The following PLEKHG3 variants were observed in gnomAD, a reference collection of about 807,000 sequenced individuals.
PLEKHG3 encodes the protein pleckstrin homology domain-containing family G member 3.
In PLEKHG3, 62 loss-of-function variants were observed where a neutral mutation model predicts 94.9. The ratio of observed to expected loss-of-function variants is 0.65; its 90% CI spans 0.53 to 0.81. PLEKHG3 has a LOEUF of 0.81. Ranked by LOEUF, PLEKHG3 falls within the 30% of genes least tolerant of loss-of-function variation. The pLI, the probability that PLEKHG3 is intolerant of heterozygous loss-of-function variation, is 0.00. For missense variants in PLEKHG3, 1,461 were observed against 1,619.3 expected (o/e 0.90, Z 1.68); for synonymous variants, 614 against 654.0 (o/e 0.94, Z 0.93).
rs2081189161 is a variant in PLEKHG3 at position 64,717,472 on chromosome 14, T to C, written c.-39-10121T>C. On this transcript the variant is annotated intron_variant, in intron 1 of 16. Transcript: ENST00000247226. The surrounding 1 kb of genome is among the most constrained non-coding windows in gnomAD (Gnocchi z 4.7). ...CTGGGGGAAGGAAAAAACCCTTGGG[T>C]AGTAAGATGCACACAAACTCCTCCC... Among the ~76,000 whole-genome samples, 1 of 152,038 alleles carries C rather than the reference T, an allele frequency of 6.6e-6. No individual in the cohort carries two copies. The highest frequency in any genetic ancestry group is 1.5e-5 in the Non-Finnish European group (1 of 67,998).
intron 1 of PLEKHG3, among the ~76,000 whole-genome samples, chr14:64,724,543 G>A (rs989735721): frequency 4.6e-5 from 7 of 152,108 alleles, no homozygotes; most frequent in Non-Finnish European, 8.8e-5. Flanking sequence ...TCCTTTGACC[G>A]GGAATCTGTA....
Position 64,746,891 on chromosome 14 carries a change from A to AG in PLEKHG3, c.*3189dup, listed in dbSNP as rs1245227212. On this transcript the variant is annotated 3_prime_UTR_variant, in exon 17 of 17. Coordinates refer to ENST00000247226, the MANE Select transcript of PLEKHG3 (RefSeq NM_001308147.2). This position sits in a 1 kb window ranked among gnomAD's most constrained non-coding sequence, Gnocchi z 4.9. ...AAAGACTGTAGAGTAGAATAAGGAG[A>AG]GAAAAAAAAAAAAAGACCTTGCTAG... 6 of 151,578 alleles carry AG rather than the reference A, an allele frequency of 4.0e-5. No homozygotes were observed. The highest frequency in any genetic ancestry group is 1.9e-4 in the East Asian group (1 of 5,138). 9.4% of individuals were successfully genotyped at this position (151,578 alleles called of 1,614,324 possible).
chr14:64,729,094 G>T lies in PLEKHG3; in HGVS notation c.449+1G>T. 1.4e-6 allele frequency: 2 copies of T among 1,409,340 alleles called. No homozygotes were observed. The highest frequency in any genetic ancestry group is 1.2e-5 in the South Asian group (1 of 81,062). 87.3% of individuals were successfully genotyped at this position (1,409,340 alleles called of 1,614,324 possible). On this transcript the variant is annotated splice_donor_variant, in intron 3 of 16. Transcript: ENST00000247226. LOFTEE classifies it high-confidence loss of function. ...TAGAAAATATCTACGCGCTGAACAG[G>T]TGTGTGAATGGGCCTGACACTCACC...
chr14:64,742,128 C>G lies in PLEKHG3; in HGVS notation c.2611C>G (p.Pro871Ala). 6.2e-7 allele frequency: 1 copy of G among 1,611,176 alleles called. No individual in the cohort carries two copies. The highest frequency in any genetic ancestry group is 8.5e-7 in the Non-Finnish European group (1 of 1,179,926). ...CACTGCCTCCCCGGAAAGCTCCTCT[C>G]CCACTGAGGGGCGCAGCCCGGCCCA... ...SATASPESSS[P>A]TEGRSPAHLA... Residue 871 changes from proline (P) to alanine (A), a missense_variant, in exon 16 of 17, where the codon CCC (proline) becomes GCC (alanine). Coordinates refer to ENST00000247226, the MANE Select transcript of PLEKHG3 (RefSeq NM_001308147.2).
chr14:64,738,360 C>T lies in PLEKHG3; in HGVS notation c.1405-382C>T. 4.6e-6 allele frequency: 2 copies of T among 436,324 alleles called. No homozygotes were observed. Among genetic ancestry groups the T allele is most frequent in the Non-Finnish European group, 8.2e-6 (2 of 243,528 alleles). 27.0% of individuals were successfully genotyped at this position (436,324 alleles called of 1,614,324 possible). A position where few individuals can be genotyped will look rare whatever the true frequency, so the allele number is the denominator to read the frequency against. On this transcript the variant is annotated intron_variant, in intron 14 of 16. Coordinates refer to ENST00000247226, the MANE Select transcript of PLEKHG3 (RefSeq NM_001308147.2). This position sits in a 1 kb window ranked among gnomAD's most constrained non-coding sequence, Gnocchi z 4.8. ...TCCTCCCCTCAGCACTTAACACCATCGCTCGCTGTCACACCCTGGTGAGCC... is the reference window on the plus strand; with the variant it reads ...TCCTCCCCTCAGCACTTAACACCATTGCTCGCTGTCACACCCTGGTGAGCC...
intron 1 of PLEKHG3, among the ~76,000 whole-genome samples, chr14:64,707,306 C>T (rs920663929): frequency 2.1e-4 from 32 of 152,316 alleles, no homozygotes; most frequent in African/African-American, 7.5e-4. Flanking sequence ...TGGCCAGATT[C>T]CCACACCGTC....
chr14:64,721,910 G>A lies in PLEKHG3; in HGVS notation c.-39-5683G>A, dbSNP rs1188677899. The stretch of plus-strand genomic sequence containing the variant: ...CCGAGCTGTGGGTAAGAGCACAGCC[G>A]AGGGATTTCACCATCTTAGTTGAGA... On this transcript the variant is annotated intron_variant, in intron 1 of 16. Transcript: ENST00000247226. This position sits in a 1 kb window ranked among gnomAD's most constrained non-coding sequence, Gnocchi z 4.3. Among the ~76,000 whole-genome samples the A allele has an allele frequency of 1.3e-5, 2 of 152,230 alleles. No homozygotes were observed. Among genetic ancestry groups the A allele is most frequent in the African/African-American group, 4.8e-5 (2 of 41,472 alleles).
At chr14:64,714,283 G>T (rs997734479) in intron 1 of PLEKHG3, among the ~76,000 whole-genome samples, 1 of 152,164 alleles carries the variant, frequency 6.6e-6, no homozygotes, top group Non-Finnish European at 1.5e-5. Context: ...TGAGTGGATG[G>T]CTATGGTGGG....
chr14:64,726,206 TGGTTTCCA>T lies in PLEKHG3; in HGVS notation c.-39-1382_-39-1375del, dbSNP rs1370262857. Among the ~76,000 whole-genome samples, 3 of 152,050 alleles carry T rather than the reference TGGTTTCCA, an allele frequency of 2.0e-5. No individual in the cohort carries two copies. On this transcript the variant is annotated intron_variant, in intron 1 of 16. Coordinates refer to ENST00000247226, the MANE Select transcript of PLEKHG3 (RefSeq NM_001308147.2). This position sits in a 1 kb window ranked among gnomAD's most constrained non-coding sequence, Gnocchi z 5.1. ...GCAAAAGCCGGAGACCCAGGGGTGT[TGGTTTCCA>T]GGTTGAGGCATAGGCACAGAAAACC...
In PLEKHG3 at chr14:64,731,940, G is replaced by T. The variant is rs998626961; in HGVS notation, c.1125+134G>T. 3.3e-5 allele frequency: 28 copies of T among 846,224 alleles called. No homozygotes were observed. Among genetic ancestry groups the T allele is most frequent in the Non-Finnish European group, 4.5e-5 (23 of 507,316 alleles). 52.4% of individuals were successfully genotyped at this position (846,224 alleles called of 1,614,324 possible). A position where few individuals can be genotyped will look rare whatever the true frequency, so the allele number is the denominator to read the frequency against. On this transcript the variant is annotated intron_variant, in intron 9 of 16. Transcript: ENST00000247226. This position sits in a 1 kb window ranked among gnomAD's most constrained non-coding sequence, Gnocchi z 6.1. The stretch of plus-strand genomic sequence containing the variant: ...CATCTGTGAGGCAAGGATCATTGCA[G>T]GCACCTCTCAGGGTCAAAGTGAGGA...
intron 12 of PLEKHG3, among the ~76,000 whole-genome samples, chr14:64,734,828 C>T (rs1157144137): frequency 6.6e-6 from 1 of 151,444 alleles, no homozygotes. Flanking sequence ...TCAAGTGATT[C>T]TCCTGCCTCA....
chr14:64,734,611 C>A lies in PLEKHG3; in HGVS notation c.1345+1710C>A, dbSNP rs1377171224. On this transcript the variant is annotated intron_variant, in intron 12 of 16. Transcript: ENST00000247226. ...CCATTTTAAAGAGCTGAAGTTTCCA[C>A]ATGGCTGAGATTTTTAGCCTGTAAA... Among the ~76,000 whole-genome samples the A allele has an allele frequency of 3.9e-5, 6 of 152,336 alleles. No homozygotes were observed. In the East Asian group the frequency reaches 1.2e-3, roughly 29 times the overall value.
In PLEKHG3 at chr14:64,746,285, G is replaced by C. The variant is rs2081834918; in HGVS notation, c.*2582G>C. On this transcript the variant is annotated 3_prime_UTR_variant, in exon 17 of 17. Transcript: ENST00000247226. This position sits in a 1 kb window ranked among gnomAD's most constrained non-coding sequence, Gnocchi z 4.9. ...TAAATAAGAAACTGAGAGAAACATGGAGCATTATTGATTTATTAGAAAAAC... is the reference window on the plus strand; with the variant it reads ...TAAATAAGAAACTGAGAGAAACATGCAGCATTATTGATTTATTAGAAAAAC... 1 of 152,472 alleles carries C rather than the reference G, an allele frequency of 6.6e-6. No homozygotes were observed. The highest frequency in any genetic ancestry group is 2.1e-4 in the South Asian group (1 of 4,828). The allele number at this position is 152,472 out of a possible 1,614,324, so 9.4% of individuals were successfully genotyped here.
intron 3 of PLEKHG3, among the ~76,000 whole-genome samples, chr14:64,729,706 G>T (rs1242656152): frequency 6.6e-6 from 1 of 152,186 alleles, no homozygotes; most frequent in Non-Finnish European, 1.5e-5. Flanking sequence ...GGCAGAGGGA[G>T]CTCTGGCTGT....
chr14:64,731,281 G>C lies in PLEKHG3; in HGVS notation c.850-80G>C, dbSNP rs942819952. ...GGATGAGCTGGGCAGTGGCATTGGGGGAGCCTTTGTGGCAGGGTTTGCAGA... is the reference window on the plus strand; with the variant it reads ...GGATGAGCTGGGCAGTGGCATTGGGCGAGCCTTTGTGGCAGGGTTTGCAGA... On this transcript the variant is annotated intron_variant, in intron 7 of 16. Transcript: ENST00000247226. The surrounding 1 kb of genome is among the most constrained non-coding windows in gnomAD (Gnocchi z 6.1). The C allele has an allele frequency of 6.8e-7, 1 of 1,473,624 alleles. No homozygotes were observed. Among genetic ancestry groups the C allele is most frequent in the African/African-American group, 1.4e-5 (1 of 71,992 alleles). The allele number at this position is 1,473,624 out of a possible 1,614,324, so 91.3% of individuals were successfully genotyped here. A position where few individuals can be genotyped will look rare whatever the true frequency, so the allele number is the denominator to read the frequency against.
At position 64,743,453 on chromosome 14, in the gene PLEKHG3, C is replaced by A; in HGVS notation, c.3410C>A (p.Thr1137Asn). Residue 1137 changes from threonine to asparagine, a missense_variant, in exon 17 of 17, where the codon ACC becomes AAC. Physicochemically the swap from Thr to Asn is moderately conservative, Grantham distance 65 (BLOSUM62 0). Transcript: ENST00000247226. This position sits in a 1 kb window ranked among gnomAD's most constrained non-coding sequence, Gnocchi z 7.2. Reference sequence around the variant, plus strand: ...ACCCTGTATGTCACTGCAGACCTCACCCTGGAGGACAACCGGCGGGTGATT... The same window carrying A: ...ACCCTGTATGTCACTGCAGACCTCAACCTGGAGGACAACCGGCGGGTGATT... ...GETLYVTADLTLEDNRRVIVM... is the reference protein window; with the variant it reads ...GETLYVTADLNLEDNRRVIVM... 6.2e-7 allele frequency: 1 copy of A among 1,613,158 alleles called. No homozygotes were observed. The highest frequency in any genetic ancestry group is 1.1e-5 in the South Asian group (1 of 91,090).
chr14:64,716,496 A>ACACACACAC lies in PLEKHG3; in HGVS notation c.-39-11097_-39-11096insCACACACAC, dbSNP rs1555359440. 1.3e-4 allele frequency among the ~76,000 whole-genome samples: 10 copies of ACACACACAC among 79,542 alleles called. No homozygotes were observed. The South Asian group carries it at 2.0e-3, about 16-fold the overall frequency. The allele number at this position is 79,542 out of a possible 152,430, so 52.2% of individuals were successfully genotyped here. A position where few individuals can be genotyped will look rare whatever the true frequency, so the allele number is the denominator to read the frequency against. On this transcript the variant is annotated intron_variant, in intron 1 of 16. Transcript: ENST00000247226. The surrounding 1 kb of genome is among the most constrained non-coding windows in gnomAD (Gnocchi z 5.0). Reference sequence around the variant, plus strand: ...ACACACACACAACACACACACACACAACACACACACACACACACACACACA... The same window carrying ACACACACAC: ...ACACACACACAACACACACACACACACACACACACACACACACACACACACACACACACA...
chr14:64,749,514 G>GC lies in PLEKHG3; in HGVS notation c.*5817dup, dbSNP rs1345852291. The GC allele has an allele frequency of 6.3e-7, 1 of 1,597,392 alleles. No individual in the cohort carries two copies. Among genetic ancestry groups the GC allele is most frequent in the Admixed American group, 1.7e-5 (1 of 59,676 alleles). ...TCACGGTGGAGTCTGGAGGCCCACAGCCCCCCACCTCCCGGGCCAGGCAAC... is the reference window on the plus strand; with the variant it reads ...TCACGGTGGAGTCTGGAGGCCCACAGCCCCCCCACCTCCCGGGCCAGGCAAC... On this transcript the variant is annotated 3_prime_UTR_variant, in exon 17 of 17. Coordinates refer to ENST00000247226, the MANE Select transcript of PLEKHG3 (RefSeq NM_001308147.2). The surrounding 1 kb of genome is among the most constrained non-coding windows in gnomAD (Gnocchi z 4.7).
chr14:64,716,194 C>T lies in PLEKHG3; in HGVS notation c.-39-11399C>T. Reference sequence around the variant, plus strand: ...GCCTTGCCGGACTTCCCCCAGGAAACCCAGCCAATCACAGGCTTTAGGGTA... The same window carrying T: ...GCCTTGCCGGACTTCCCCCAGGAAATCCAGCCAATCACAGGCTTTAGGGTA... On this transcript the variant is annotated intron_variant, in intron 1 of 16. Transcript: ENST00000247226. This position sits in a 1 kb window ranked among gnomAD's most constrained non-coding sequence, Gnocchi z 5.0. 1 of 375,540 alleles carries T rather than the reference C, an allele frequency of 2.7e-6. No individual in the cohort carries two copies. The highest frequency in any genetic ancestry group is 1.9e-5 in the South Asian group (1 of 51,912). 23.3% of individuals were successfully genotyped at this position (375,540 alleles called of 1,614,324 possible).
Sources: gnomAD v4.1 joint callset for allele counts (sites outside exome capture counted in the v4.1 genomes callset) on GRCh38, gnomAD v4.1.1 for gene constraint, Gnocchi (gnomAD v3.1) non-coding constraint, MANE v1.5 for transcripts, NCBI Gene and HGNC (gene_info 2026-07-23, HGNC 2026-07-21) for gene names.